LAT2: variants seen among roughly 807,000 people sequenced by gnomAD.
The protein encoded by LAT2 is linker for activation of T cells family member 2, also known as linker for activation of T-cells family member 2.
A neutral mutation model predicts 43.4 loss-of-function variants in LAT2; 23 were observed. The observed-to-expected ratio is 0.53, with a 90% CI of 0.38 to 0.75. The LOEUF (loss-of-function observed/expected upper bound fraction) is 0.75, where lower values mean the gene tolerates loss of function less well. Ranked by LOEUF, LAT2 falls within the 30% of genes least tolerant of loss-of-function variation. The pLI is 0.00. For missense variants in LAT2, 284 were observed against 310.2 expected (o/e 0.92, Z 0.64); for synonymous variants, 128 against 123.2 (o/e 1.04, Z -0.26).
At chr7:74,228,743 C>A (rs1290018284) in intron 13 of LAT2, among the ~76,000 whole-genome samples, 4 of 151,162 alleles carry the variant, frequency 2.6e-5, no homozygotes, top group Admixed American at 6.6e-5. Flanking sequence ...GAGCCGAGAT[C>A]GCGCCACCGC....
chr7:74,216,984 T>C, intron 4 of LAT2, 120 bp downstream of exon 4: 2 of 810,898 alleles, frequency 2.5e-6, no homozygotes, highest in Non-Finnish European at 4.2e-6. Context: ...CGTGCCAAGT[T>C]CTAGTGGGTC....
In LAT2 at chr7:74,220,504, C is replaced by A. The variant is rs991167021; in HGVS notation, c.266-80C>A. On this transcript the variant is annotated intron_variant, in intron 7 of 13. Transcript: ENST00000460943. The surrounding 1 kb of genome is among the most constrained non-coding windows in gnomAD (Gnocchi z 4.5). ...GGCTCAGACACGGGAAATAGCTGGC[C>A]CTGCCTTGGGCTGCAGCACCCGAGC... 5.1e-6 allele frequency: 8 copies of A among 1,572,584 alleles called. No individual in the cohort carries two copies. The highest frequency in any genetic ancestry group is 3.4e-5 in the Admixed American group (2 of 58,182).
intron 1 of LAT2, among the ~76,000 whole-genome samples, chr7:74,211,927 C>A (rs1801749412): frequency 6.6e-6 from 1 of 151,906 alleles, no homozygotes; most frequent in Admixed American, 6.6e-5. Flanking sequence ...GGGGCAGACA[C>A]ATGACTGTTT....
At chr7:74,213,817 G>A (rs782252725) in intron 1 of LAT2, among the ~76,000 whole-genome samples, 4 of 151,828 alleles carry the variant, frequency 2.6e-5, no homozygotes, top group Non-Finnish European at 5.9e-5. Flanking sequence ...TGGCCAGGGT[G>A]GGAAGAACAC....
chr7:74,220,330 GGCGTCGT>G lies in LAT2; in HGVS notation c.265+79_265+85del. The G allele has an allele frequency of 2.0e-6, 3 of 1,515,666 alleles. No homozygotes were observed. In the South Asian group the frequency reaches 3.6e-5, roughly 18 times the overall value. 93.9% of individuals were successfully genotyped at this position (1,515,666 alleles called of 1,614,324 possible). Reference sequence around the variant, plus strand: ...AGACAGGCGAAAACCCCATGGGACAGGCGTCGTGCAGTGGGGGCTGCGGGGCCAGGCG... The same window carrying G: ...AGACAGGCGAAAACCCCATGGGACAGGCAGTGGGGGCTGCGGGGCCAGGCG... On this transcript the variant is annotated intron_variant, in intron 7 of 13. Coordinates refer to ENST00000460943, the MANE Select transcript of LAT2 (RefSeq NM_032464.3). The surrounding 1 kb of genome is among the most constrained non-coding windows in gnomAD (Gnocchi z 4.5).
rs782183070 is a variant in LAT2, at chr7:74,215,954, A to G, written c.-22A>G. 35 of 1,611,814 alleles carry G rather than the reference A, an allele frequency of 2.2e-5. No homozygotes were observed. Among genetic ancestry groups the G allele is most frequent in the Non-Finnish European group, 2.9e-5 (34 of 1,177,962 alleles). On this transcript the variant is annotated 5_prime_UTR_variant, in exon 3 of 14. Transcript: ENST00000460943. ...GGGCACCTCCCATTTCAGCATCACA[A>G]GAGGCAACACCAGGAGCCAACATGA...
chr7:74,225,632 GGGA>G (rs1311913629), intron 13 of LAT2: 2 of 152,468 alleles, frequency 1.3e-5, no homozygotes, highest in Admixed American at 6.5e-5. Context: ...TTGAAGTAAG[GGGA>G]GGAGGAGATG....
Position 74,224,664 on chromosome 7 carries a change from T to C in LAT2, c.654T>C (p.Pro218=). ...VMGQLQREAS[P]GPVGSPDEED... ...GGCAACTCCAGAGAGAAGCATCCCC[T>C]GGCCCGGTGGGAAGCCCAGACGAGG... is the stretch of plus-strand genomic sequence containing the variant. The change falls in exon 13 of 14, where the codon CCT becomes CCC. Residue 218 remains proline (P), a synonymous_variant. Coordinates refer to ENST00000460943, the MANE Select transcript of LAT2 (RefSeq NM_032464.3). 6.2e-7 allele frequency: 1 copy of C among 1,606,196 alleles called. No individual in the cohort carries two copies. Among genetic ancestry groups the C allele is most frequent in the Non-Finnish European group, 8.5e-7 (1 of 1,176,738 alleles).
chr7:74,213,334 G>T (rs1279444159), intron 1 of LAT2, among the ~76,000 whole-genome samples: 1 of 151,406 alleles, frequency 6.6e-6, no homozygotes, highest in Non-Finnish European at 1.5e-5. Context: ...TCTTGGCCAG[G>T]CTGGTCTTGA....
At chr7:74,215,468 C>T (rs1272715300) in intron 2 of LAT2, among the ~76,000 whole-genome samples, 3 of 152,166 alleles carry the variant, frequency 2.0e-5, no homozygotes, top group African/African-American at 7.2e-5. Flanking sequence ...CACAGACTGT[C>T]ACCTCCAGGA....
At chr7:74,221,452 C>T (rs1348546918) in intron 9 of LAT2, among the ~76,000 whole-genome samples, 185 bp from the exon 10 acceptor site, 1 of 150,794 alleles carries the variant, frequency 6.6e-6, no homozygotes, top group African/African-American at 2.5e-5. Flanking sequence ...GGCTCCAGCC[C>T]CTGGTGGCTC....
At chr7:74,213,274 C>T (rs1160081006) in intron 1 of LAT2, among the ~76,000 whole-genome samples, 1 of 151,700 alleles carries the variant, frequency 6.6e-6, no homozygotes, top group African/African-American at 2.4e-5. Flanking sequence ...CCCACCACCA[C>T]ACCTGGCTAA....
Position 74,220,424 on chromosome 7 carries a change from G to C in LAT2, c.266-160G>C. 1 of 1,216,090 alleles carries C rather than the reference G, an allele frequency of 8.2e-7. No individual in the cohort carries two copies. Among genetic ancestry groups the C allele is most frequent in the Non-Finnish European group, 1.2e-6 (1 of 845,906 alleles). 75.3% of individuals were successfully genotyped at this position (1,216,090 alleles called of 1,614,324 possible). On this transcript the variant is annotated intron_variant, in intron 7 of 13. Transcript: ENST00000460943. The surrounding 1 kb of genome is among the most constrained non-coding windows in gnomAD (Gnocchi z 4.5). ...GCAGGCTCCTGGAATCGGCCTGGCA[G>C]GGGGAGGGTGCACACTCGCACATGC...
In LAT2 at chr7:74,229,079, C is replaced by T. The variant is rs1802597545; in HGVS notation, c.*154C>T. 1 of 152,258 alleles carries T rather than the reference C, an allele frequency of 6.6e-6. No individual in the cohort carries two copies. Among genetic ancestry groups the T allele is most frequent in the Non-Finnish European group, 1.5e-5 (1 of 68,082 alleles). 9.4% of individuals were successfully genotyped at this position (152,258 alleles called of 1,614,324 possible). ...GAGAACCAGCCACCCTGAGGACCAC[C>T]TGGCCATGCGTGCACAGCCTGGGAA... On this transcript the variant is annotated 3_prime_UTR_variant, in exon 14 of 14. Transcript: ENST00000460943.
chr7:74,215,878 G>A (rs1554714170), intron 2 of LAT2, 69 bp from the exon 3 acceptor site: 4 of 1,074,590 alleles, frequency 3.7e-6, no homozygotes, highest in Non-Finnish European at 5.7e-6. Context: ...GGCTGTCCGA[G>A]CACAGTGGGG....
At chr7:74,221,015 T>C (rs932578168) in intron 9 of LAT2, among the ~76,000 whole-genome samples, 2 of 152,118 alleles carry the variant, frequency 1.3e-5, no homozygotes, top group African/African-American at 2.4e-5. Flanking sequence ...TAGAGACTCA[T>C]TCAGCATCAC....
intron 13 of LAT2, among the ~76,000 whole-genome samples, chr7:74,227,641 G>C (rs1802539165): frequency 6.6e-6 from 1 of 152,228 alleles, no homozygotes; most frequent in Non-Finnish European, 1.5e-5. Context: ...CCAGGCACTG[G>C]TGCCATCTGG....
intron 12 of LAT2, 89 bp downstream of exon 12, chr7:74,224,286 T>C (rs880001607): frequency 2.1e-4 from 281 of 1,318,712 alleles, no homozygotes; most frequent in Middle Eastern, 1.9e-4. Context: ...TGGGCTTCCC[T>C]CCAGCCAGTC....
Position 74,214,073 on chromosome 7 carries a change from AAT to A in LAT2, c.-218-738_-218-737del, listed in dbSNP as rs1164715723. The stretch of plus-strand genomic sequence containing the variant: ...ATATATATATGAAAAAATATATATA[AAT>A]ATATATATATGAAAAAATATATATA... On this transcript the variant is annotated intron_variant, in intron 1 of 13. Transcript: ENST00000460943. 7.3e-4 allele frequency among the ~76,000 whole-genome samples: 94 copies of A among 127,978 alleles called. 1 individual carries two copies. Among genetic ancestry groups the A allele is most frequent in the Middle Eastern group, 3.8e-3 (1 of 260 alleles). 84.0% of individuals were successfully genotyped at this position (127,978 alleles called of 152,430 possible).
Sources: allele counts gnomAD v4.1 joint callset (sites outside exome capture counted in the v4.1 genomes callset), GRCh38; gene constraint gnomAD v4.1.1; non-coding constraint Gnocchi (gnomAD v3.1); transcripts MANE v1.5; gene names NCBI Gene and HGNC (gene_info 2026-07-23, HGNC 2026-07-21).